Variants in NEBL observed in about 807,000 individuals in gnomAD.
NEBL encodes nebulette.
A neutral mutation model predicts 140.2 loss-of-function variants in NEBL; 122 were observed. The ratio of observed to expected loss-of-function variants is 0.87; its 90% confidence interval spans 0.75 to 1.01. The LOEUF (loss-of-function observed/expected upper bound fraction) is 1.01, where lower values mean the gene tolerates loss of function less well. Among genes scored for constraint, NEBL ranks in the 50% least tolerant of loss-of-function variants. The probability of loss-of-function intolerance (pLI) is 0.00; values close to 1 mark genes in which losing one functional copy is unlikely to be tolerated. For missense variants in NEBL, 1,365 were observed against 1,231.3 expected (o/e 1.11, Z -1.62); for synonymous variants, 436 against 398.9 (o/e 1.09, Z -1.11).
At chr10:21,006,601 A>G (rs75162597) in intron 3 of NEBL, among the ~76,000 whole-genome samples, 2,607 of 152,228 alleles carry the variant, frequency 0.017, 71 homozygotes, top group African/African-American at 0.059. Flanking sequence ...AGTTCACTAT[A>G]CCCTGAACTT....
At chr10:21,077,043 G>C (rs1405582181) in intron 2 of NEBL, among the ~76,000 whole-genome samples, 1 of 151,976 alleles carries the variant, frequency 6.6e-6, no homozygotes, top group Non-Finnish European at 1.5e-5. Flanking sequence ...TTGTTAAAAT[G>C]GTAACCTTTA....
At chr10:21,247,067 C>G (rs1042427631) in intron 3 of NEBL, among the ~76,000 whole-genome samples, 1 of 152,090 alleles carries the variant, frequency 6.6e-6, no homozygotes, top group African/African-American at 2.4e-5. Flanking sequence ...TCTCTCTCCC[C>G]TGTTCCACCA....
intron 4 of NEBL, among the ~76,000 whole-genome samples, chr10:20,902,389 G>C (rs554644498): frequency 7.5e-6 from 1 of 133,838 alleles, no homozygotes; most frequent in Admixed American, 8.1e-5. Flanking sequence ...CTGGGCAACA[G>C]AGCAAAGACA....
At chr10:21,038,168 A>T (rs1261848418) in intron 2 of NEBL, among the ~76,000 whole-genome samples, 5 of 152,206 alleles carry the variant, frequency 3.3e-5, no homozygotes, top group Admixed American at 3.3e-4. Context: ...ATCAAGTAGC[A>T]ACTCAAGGTT....
At chr10:20,840,872 T>A in intron 12 of NEBL, 23 bp from the exon 13 acceptor site, 1 of 1,353,478 alleles carries the variant, frequency 7.4e-7, no homozygotes, top group Non-Finnish European at 1.1e-6. Context: ...AATATCACAG[T>A]TCAAAACTTA....
rs530752428 is a variant in NEBL, at chr10:20,931,197, A to T, written c.357+30475T>A. ...ATTGGGAAGATGTTATCAAAGTATG[A>T]CAAAGACGCACCATAATTCTCAATC... On this transcript the variant is annotated intron_variant, in intron 4 of 6. Transcript: ENST00000417816. 2.6e-5 allele frequency among the ~76,000 whole-genome samples: 4 copies of T among 152,326 alleles called. No homozygotes were observed. In the East Asian group the frequency reaches 7.7e-4, roughly 29 times the overall value.
At chr10:21,184,575 T>C (rs991609176) in intron 3 of NEBL, among the ~76,000 whole-genome samples, 9 of 152,162 alleles carry the variant, frequency 5.9e-5, no homozygotes, top group Admixed American at 1.3e-4. Flanking sequence ...AGAGCCTTCA[T>C]TATATGAAAA....
At chr10:21,023,422 A>T (rs561539022) in intron 2 of NEBL, among the ~76,000 whole-genome samples, 1 of 152,172 alleles carries the variant, frequency 6.6e-6, no homozygotes, top group Non-Finnish European at 1.5e-5. Context: ...GGCCAGGCAC[A>T]GTGGCTTACC....
At chr10:21,001,125 T>A (rs1837876996) in intron 3 of NEBL, among the ~76,000 whole-genome samples, 1 of 151,772 alleles carries the variant, frequency 6.6e-6, no homozygotes, top group Non-Finnish European at 1.5e-5. Flanking sequence ...GGGATGGAGG[T>A]GGTCAGGAAA....
At chr10:21,141,595 C>T (rs530973503) in intron 2 of NEBL, among the ~76,000 whole-genome samples, 2 of 152,120 alleles carry the variant, frequency 1.3e-5, no homozygotes, top group Non-Finnish European at 2.9e-5. Context: ...TTTAATGCCA[C>T]CCTTGAACAT....
chr10:20,963,005 C>A (rs1259157911), intron 3 of NEBL, among the ~76,000 whole-genome samples: 6 of 13,520 alleles, frequency 4.4e-4, no homozygotes, highest in African/African-American at 8.5e-4. Flanking sequence ...GAAAGAAAAA[C>A]ACACACACAC....
At chr10:21,236,121 T>G (rs1221665124) in intron 3 of NEBL, among the ~76,000 whole-genome samples, 2 of 152,190 alleles carry the variant, frequency 1.3e-5, no homozygotes, top group African/African-American at 2.4e-5. Flanking sequence ...AAGATTAGCA[T>G]TCAGTAATTC....
At chr10:21,253,081 G>C (rs1280385151) in intron 1 of NEBL, among the ~76,000 whole-genome samples, 2 of 152,168 alleles carry the variant, frequency 1.3e-5, no homozygotes, top group Admixed American at 1.3e-4. Context: ...GGCCAGCATG[G>C]AGAAACCCCA....
intron 2 of NEBL, among the ~76,000 whole-genome samples, chr10:21,073,525 G>A (rs1370959608): frequency 6.7e-6 from 1 of 149,370 alleles, no homozygotes; most frequent in Non-Finnish European, 1.5e-5. Flanking sequence ...GCCAAGACAG[G>A]ATAATCACTT....
At position 20,785,638 on chromosome 10, in the gene NEBL, T is replaced by A. The variant is rs1835344570; in HGVS notation, c.*109A>T. On this transcript the variant is annotated 3_prime_UTR_variant, in exon 28 of 28. Coordinates refer to ENST00000377122, the MANE Select transcript of NEBL (RefSeq NM_006393.3). ...GTGTGTCTAATTGTCAAAGGAAGGA[T>A]ACATCATTGTAAAATAATGGCCAAG... is the stretch of plus-strand genomic sequence containing the variant. 1.6e-6 allele frequency: 2 copies of A among 1,245,856 alleles called. No individual in the cohort carries two copies. The highest frequency in any genetic ancestry group is 1.1e-6 in the Non-Finnish European group (1 of 874,642). The allele number at this position is 1,245,856 out of a possible 1,614,324, so 77.2% of individuals were successfully genotyped here. A position where few individuals can be genotyped will look rare whatever the true frequency, so the allele number is the denominator to read the frequency against.
At chr10:20,930,869 G>T (rs865811173) in intron 4 of NEBL, among the ~76,000 whole-genome samples, 1 of 152,160 alleles carries the variant, frequency 6.6e-6, no homozygotes, top group African/African-American at 2.4e-5. Context: ...ATTCAAAGTA[G>T]GCAATATTGT....
chr10:21,195,349 C>A (rs1442772085), intron 3 of NEBL, among the ~76,000 whole-genome samples: 1 of 152,120 alleles, frequency 6.6e-6, no homozygotes, highest in African/African-American at 2.4e-5. Context: ...TAAAATTAAC[C>A]CTACTTAGGG....
intron 7 of NEBL, among the ~76,000 whole-genome samples, chr10:20,863,873 T>C (rs1371652975): frequency 2.0e-5 from 3 of 152,126 alleles, no homozygotes; most frequent in East Asian, 1.9e-4. Context: ...AATATTTAAA[T>C]TGGCGAGTCA....
chr10:20,908,320 T>A (rs933520770), intron 4 of NEBL, among the ~76,000 whole-genome samples: 5 of 152,236 alleles, frequency 3.3e-5, no homozygotes, highest in Admixed American at 6.5e-5. Flanking sequence ...CTGGTAGTGA[T>A]ATTACTTTCT....
Sources: gnomAD v4.1 joint callset for allele counts (sites outside exome capture counted in the v4.1 genomes callset) on GRCh38, gnomAD v4.1.1 for gene constraint, MANE v1.5 for transcripts, NCBI Gene and HGNC (gene_info 2026-07-23, HGNC 2026-07-21) for gene names.